PDZRN3: variants seen among roughly 807,000 people sequenced by gnomAD.
PDZRN3 encodes PDZ domain containing ring finger 3, also known as E3 ubiquitin-protein ligase PDZRN3.
A neutral mutation model predicts 85.7 loss-of-function variants in PDZRN3; 38 were observed. The ratio of observed to expected loss-of-function variants is 0.44; its 90% CI spans 0.34 to 0.58. PDZRN3 has a LOEUF of 0.58. Among genes scored for constraint, PDZRN3 ranks in the 20% least tolerant of loss-of-function variants. The pLI is 0.01. For synonymous variants in PDZRN3, 759 were observed against 638.0 expected, an observed-to-expected ratio of 1.19 and a Z score of -2.86; for missense variants, 1,629 against 1,506.4, an observed-to-expected ratio of 1.08 and a Z score of -1.35.
rs373064049 is a variant in PDZRN3, at chr3:73,615,422, G to A, written c.724-6738C>T. On this transcript the variant is annotated intron_variant, in intron 1 of 9. Coordinates refer to ENST00000263666, the MANE Select transcript of PDZRN3 (RefSeq NM_015009.3). ...ATCTTAACACTTCCACTTACTTATGGGGTGTGCTACGATCTAAATGTTTAT... is the reference window on the plus strand; with the variant it reads ...ATCTTAACACTTCCACTTACTTATGAGGTGTGCTACGATCTAAATGTTTAT... Among the ~76,000 whole-genome samples, 4 of 152,230 alleles carry A rather than the reference G, an allele frequency of 2.6e-5. No homozygotes were observed. The East Asian group carries it at 5.8e-4, about 22-fold the overall frequency.
chr3:73,624,595 C>G lies in PDZRN3; in HGVS notation c.231G>C (p.Lys77Asn), dbSNP rs776657100. Residue 77 changes from lysine (K) to asparagine (N), a missense_variant, in exon 1 of 10, where the codon AAG becomes AAC. Transcript: ENST00000263666. ...HVLPLKRLIL[K>N]LDIKCAYATR... ...TCGCGTACGCGCACTTGATGTCCAGCTTGAGGATAAGGCGCTTGAGCGGCA... is the reference window on the plus strand; with the variant it reads ...TCGCGTACGCGCACTTGATGTCCAGGTTGAGGATAAGGCGCTTGAGCGGCA... 1 of 1,556,664 alleles carries G rather than the reference C, an allele frequency of 6.4e-7. No homozygotes were observed. The highest frequency in any genetic ancestry group is 1.2e-5 in the South Asian group (1 of 84,292).
chr3:73,623,833 T>G, intron 1 of PDZRN3: 1 of 359,942 alleles, frequency 2.8e-6, no homozygotes, highest in South Asian at 1.2e-4. Context: ...TACACTTGCT[T>G]GTGAATTCTT....
chr3:73,389,247 C>T (rs1236130558), intron 7 of PDZRN3, among the ~76,000 whole-genome samples: 1 of 152,096 alleles, frequency 6.6e-6, no homozygotes, highest in East Asian at 1.9e-4. Flanking sequence ...CCAAAAGAGA[C>T]ATGAATGGTC....
rs761619340 is a variant in PDZRN3 at position 73,384,825 on chromosome 3, C to A, written c.1741G>T (p.Asp581Tyr). 27 of 1,614,156 alleles carry A rather than the reference C, an allele frequency of 1.7e-5. No homozygotes were observed. The South Asian group carries it at 3.0e-4, about 18-fold the overall frequency. Residue 581 changes from aspartate (D) to tyrosine (Y), a missense_variant, in exon 10 of 10, where the codon GAC becomes TAC. Transcript: ENST00000263666. ...TTGTTCTCTTGCTCCGAGCTCTCGTCATTACGGGTGCTCTCGTCGGTCCGC... is the reference window on the plus strand; with the variant it reads ...TTGTTCTCTTGCTCCGAGCTCTCGTAATTACGGGTGCTCTCGTCGGTCCGC... ...VGRTDESTRN[D>Y]ESSEQENNGD...
At chr3:73,427,959 C>T (rs768554957) in intron 3 of PDZRN3, among the ~76,000 whole-genome samples, 15 of 151,806 alleles carry the variant, frequency 9.9e-5, no homozygotes, top group Non-Finnish European at 1.9e-4. Context: ...GGTCAGGCCT[C>T]CAGGGAGAGG....
intron 3 of PDZRN3, among the ~76,000 whole-genome samples, chr3:73,423,882 T>C (rs138849167): frequency 2.0e-5 from 3 of 152,166 alleles, no homozygotes; most frequent in Non-Finnish European, 4.4e-5. Context: ...ATTTCTAAGA[T>C]ACACGTATGG....
chr3:73,577,486 C>T (rs927736980), intron 3 of PDZRN3, among the ~76,000 whole-genome samples: 3 of 152,180 alleles, frequency 2.0e-5, no homozygotes, highest in Non-Finnish European at 4.4e-5. Flanking sequence ...TTCCACCCTG[C>T]TCTCTGTCCC....
rs145390569 is a variant in PDZRN3 at position 73,477,064 on chromosome 3, G to A, written c.919-72669C>T. Among the ~76,000 whole-genome samples, 782 of 152,256 alleles carry A rather than the reference G, an allele frequency of 5.1e-3. 7 individuals carry two copies. The highest frequency in any genetic ancestry group is 0.018 in the African/African-American group (752 of 41,534). On this transcript the variant is annotated intron_variant, in intron 3 of 9. Coordinates refer to ENST00000263666, the MANE Select transcript of PDZRN3 (RefSeq NM_015009.3). ...GTTCTTATAATGTATCAGACAGCAT[G>A]TGAAATGTTTTTCATGAACTATCTT...
intron 3 of PDZRN3, among the ~76,000 whole-genome samples, chr3:73,480,251 T>C (rs1703535918): frequency 6.6e-6 from 1 of 152,202 alleles, no homozygotes; most frequent in Non-Finnish European, 1.5e-5. Context: ...CAACAGGCTA[T>C]AATGACTGAA....
intron 3 of PDZRN3, among the ~76,000 whole-genome samples, chr3:73,563,121 C>G (rs1465207564): frequency 4.8e-5 from 7 of 146,720 alleles, no homozygotes; most frequent in African/African-American, 1.8e-4. Context: ...CAGGTTCACG[C>G]CATTCTCCTG....
intron 8 of PDZRN3, among the ~76,000 whole-genome samples, chr3:73,386,922 G>A (rs1277732554): frequency 6.6e-6 from 1 of 152,186 alleles, no homozygotes; most frequent in East Asian, 1.9e-4. Context: ...ATCTCACCTT[G>A]AATTGTAGCT....
chr3:73,436,777 G>A (rs1218209855), intron 3 of PDZRN3, among the ~76,000 whole-genome samples: 1 of 152,120 alleles, frequency 6.6e-6, no homozygotes. Flanking sequence ...GCCGGGTGCA[G>A]TGGCTCATGC....
At chr3:73,426,454 A>C (rs1044244495) in intron 3 of PDZRN3, among the ~76,000 whole-genome samples, 2 of 152,162 alleles carry the variant, frequency 1.3e-5, no homozygotes, top group Non-Finnish European at 2.9e-5. Flanking sequence ...AATAACCTTC[A>C]ATTTTCTACT....
intron 3 of PDZRN3, among the ~76,000 whole-genome samples, chr3:73,592,656 C>T (rs185716628): frequency 2.8e-4 from 42 of 152,288 alleles, no homozygotes; most frequent in African/African-American, 1.0e-3. Flanking sequence ...GCATGGCAGA[C>T]TCATTCCATA....
intron 1 of PDZRN3, among the ~76,000 whole-genome samples, chr3:73,616,620 A>C (rs998763809): frequency 2.6e-5 from 4 of 152,238 alleles, no homozygotes; most frequent in African/African-American, 9.6e-5. Context: ...CAAATTATTG[A>C]GTAACAATCT....
At chr3:73,520,363 G>A (rs964214601) in intron 3 of PDZRN3, among the ~76,000 whole-genome samples, 2 of 152,048 alleles carry the variant, frequency 1.3e-5, no homozygotes, top group African/African-American at 4.8e-5. Context: ...AAATAGCTGG[G>A]TGTGGTGGCG....
chr3:73,563,013 A>ATATATATATATATATATATATTTTTT (rs1187151191), intron 3 of PDZRN3, among the ~76,000 whole-genome samples: 1 of 43,780 alleles, frequency 2.3e-5, no homozygotes, highest in African/African-American at 1.0e-4. Context: ...ATATATATAT[A>ATATATATATATATATATATATTTTTT]TTTTTTTTTT....
At chr3:73,618,183 G>GT (rs1242504191) in intron 1 of PDZRN3, among the ~76,000 whole-genome samples, 1 of 152,182 alleles carries the variant, frequency 6.6e-6, no homozygotes. Flanking sequence ...CTGAGCTTCT[G>GT]TTTTTTCATC....
At chr3:73,581,802 A>AT (rs1702205390) in intron 3 of PDZRN3, among the ~76,000 whole-genome samples, 1 of 125,132 alleles carries the variant, frequency 8.0e-6, no homozygotes. Flanking sequence ...AAAGACAATG[A>AT]TTAAAAAAAA....
Sources: allele counts gnomAD v4.1 joint callset (sites outside exome capture counted in the v4.1 genomes callset), GRCh38; gene constraint gnomAD v4.1.1; transcripts MANE v1.5; gene names NCBI Gene and HGNC (gene_info 2026-07-23, HGNC 2026-07-21).